Variants in NCOA1 observed in about 807,000 individuals in gnomAD.
NCOA1 encodes the protein Hin-2 protein.
A neutral mutation model predicts 150.9 loss-of-function variants in NCOA1; 35 were observed. That is an observed-to-expected ratio of 0.23 (90% CI 0.18 to 0.31). NCOA1 has a LOEUF of 0.31. Among genes scored for constraint, NCOA1 ranks in the 10% least tolerant of loss-of-function variants. The pLI is 1.00. For missense variants in NCOA1, 1,491 were observed against 1,749.3 expected (o/e 0.85, Z 2.63); for synonymous variants, 590 against 630.0 (o/e 0.94, Z 0.95).
intron 1 of NCOA1, among the ~76,000 whole-genome samples, chr2:24,552,332 T>TTC (rs2148225861): frequency 8.5e-5 from 1 of 11,722 alleles, no homozygotes; most frequent in South Asian, 2.8e-3. Context: ...TATATATATA[T>TTC]ATATATATAT....
intron 22 of NCOA1, among the ~76,000 whole-genome samples, chr2:24,763,622 T>C (rs1408228390): frequency 2.8e-5 from 4 of 143,304 alleles, no homozygotes; most frequent in African/African-American, 1.0e-4. Flanking sequence ...CTCTCTTTTT[T>C]TTTTTTTTTT....
At chr2:24,714,627 A>G (rs950004896) in intron 14 of NCOA1, among the ~76,000 whole-genome samples, 4 of 152,152 alleles carry the variant, frequency 2.6e-5, no homozygotes, top group Middle Eastern at 3.2e-3. Context: ...ATGACATAGT[A>G]TTAGAAACTA....
chr2:24,573,012 T>C (rs1365401899), intron 2 of NCOA1, among the ~76,000 whole-genome samples: 1 of 152,170 alleles, frequency 6.6e-6, no homozygotes, highest in Non-Finnish European at 1.5e-5. Flanking sequence ...ATCTGGATGC[T>C]CTGGAAACCA....
chr2:24,528,082 G>A (rs1472154561), intron 1 of NCOA1, among the ~76,000 whole-genome samples: 1 of 152,122 alleles, frequency 6.6e-6, no homozygotes. Flanking sequence ...TTATCAGATA[G>A]CATGGTTTGC....
Position 24,718,978 on chromosome 2 carries a change from G to A in NCOA1, c.2600-7611G>A, listed in dbSNP as rs529828634. On this transcript the variant is annotated intron_variant, in intron 14 of 22. Transcript: ENST00000348332. ...TGGGAGGTGGAGGTTGCAGTTAGCCGAGATCGCACCATTGCATTCCAGCCT... is the reference window on the plus strand; with the variant it reads ...TGGGAGGTGGAGGTTGCAGTTAGCCAAGATCGCACCATTGCATTCCAGCCT... 7.1e-5 allele frequency among the ~76,000 whole-genome samples: 9 copies of A among 126,256 alleles called. No homozygotes were observed. In the East Asian group the frequency reaches 1.2e-3, roughly 17 times the overall value. The allele number at this position is 126,256 out of a possible 152,430, so 82.8% of individuals were successfully genotyped here. A position where few individuals can be genotyped will look rare whatever the true frequency, so the allele number is the denominator to read the frequency against.
intron 1 of NCOA1, among the ~76,000 whole-genome samples, chr2:24,561,693 T>TG (rs1666299308): frequency 6.6e-6 from 1 of 152,156 alleles, no homozygotes; most frequent in African/African-American, 2.4e-5. Flanking sequence ...ACACAGTACT[T>TG]GGAGTGGGCA....
At chr2:24,716,713 C>T (rs549967869) in intron 14 of NCOA1, among the ~76,000 whole-genome samples, 28 of 152,284 alleles carry the variant, frequency 1.8e-4, no homozygotes, top group Admixed American at 6.5e-4. Flanking sequence ...GTTAAATCTT[C>T]TGCTCTTTAA....
intron 20 of NCOA1, among the ~76,000 whole-genome samples, chr2:24,757,335 A>G (rs1164458189): frequency 2.0e-5 from 3 of 152,172 alleles, no homozygotes; most frequent in African/African-American, 4.8e-5. Flanking sequence ...ACAGTAAACC[A>G]TTTAATAGAA....
At position 24,729,657 on chromosome 2, in the gene NCOA1, A is replaced by G; in HGVS notation, c.3043A>G (p.Lys1015Glu). ...PSPFQGMVRQ[K>E]PSLGTMPVQV... ...CCCTTTCCAAGGCATGGTCAGGCAA[A>G]AACCTTCACTGGGGACGATGCCTGT... The change falls in exon 17 of 23, where the codon AAA becomes GAA. Residue 1015 changes from lysine to glutamate, a missense_variant. Coordinates refer to ENST00000348332, the MANE Select transcript of NCOA1 (RefSeq NM_003743.5). 6.2e-7 allele frequency: 1 copy of G among 1,614,102 alleles called. No individual in the cohort carries two copies. The highest frequency in any genetic ancestry group is 8.5e-7 in the Non-Finnish European group (1 of 1,180,004).
At chr2:24,652,504 T>C (rs1670751964) in intron 4 of NCOA1, among the ~76,000 whole-genome samples, 1 of 152,146 alleles carries the variant, frequency 6.6e-6, no homozygotes, top group Non-Finnish European at 1.5e-5. Context: ...TTTAAATATA[T>C]TATTAGAAAT....
At chr2:24,584,778 T>C (rs1667332577) in intron 3 of NCOA1, among the ~76,000 whole-genome samples, 1 of 151,926 alleles carries the variant, frequency 6.6e-6, no homozygotes, top group South Asian at 2.1e-4. Flanking sequence ...ACATGTTCAG[T>C]CAGAGTTTGA....
intron 3 of NCOA1, among the ~76,000 whole-genome samples, chr2:24,620,379 G>A (rs1337041773): frequency 6.6e-6 from 1 of 152,156 alleles, no homozygotes; most frequent in Non-Finnish European, 1.5e-5. Context: ...CGAGGTGGAC[G>A]GATCACCTGA....
intron 3 of NCOA1, among the ~76,000 whole-genome samples, chr2:24,601,788 A>G (rs1280871265): frequency 6.6e-6 from 1 of 151,776 alleles, no homozygotes; most frequent in Admixed American, 6.6e-5. Context: ...ACACACCACC[A>G]CACCCGGCTA....
chr2:24,744,853 C>T (rs1311031355), intron 19 of NCOA1, among the ~76,000 whole-genome samples: 15 of 152,212 alleles, frequency 9.9e-5, no homozygotes, highest in Non-Finnish European at 2.2e-4. Flanking sequence ...GTTAAAGAAA[C>T]TTTATGGCCT....
At chr2:24,571,732 C>T (rs1279361034) in intron 2 of NCOA1, among the ~76,000 whole-genome samples, 2 of 152,136 alleles carry the variant, frequency 1.3e-5, no homozygotes, top group Non-Finnish European at 2.9e-5. Flanking sequence ...TATCTTAATA[C>T]ATAGGGAATC....
At chr2:24,537,908 A>T (rs182616652) in intron 1 of NCOA1, among the ~76,000 whole-genome samples, 3 of 152,298 alleles carry the variant, frequency 2.0e-5, no homozygotes, top group African/African-American at 7.2e-5. Context: ...TTTGATTGCA[A>T]TTCTGTATCT....
intron 1 of NCOA1, among the ~76,000 whole-genome samples, chr2:24,546,491 T>G (rs1008957679): frequency 1.3e-5 from 2 of 152,224 alleles, no homozygotes; most frequent in Admixed American, 1.3e-4. Flanking sequence ...TAGTCCTAGG[T>G]TCATTGTTCT....
chr2:24,747,923 A>G (rs1053407007), intron 19 of NCOA1, among the ~76,000 whole-genome samples: 1 of 151,912 alleles, frequency 6.6e-6, no homozygotes. Flanking sequence ...CCTGACCAAC[A>G]TGGAGAAACC....
chr2:24,745,397 C>T (rs542271081), intron 19 of NCOA1, among the ~76,000 whole-genome samples: 35 of 152,076 alleles, frequency 2.3e-4, no homozygotes, highest in African/African-American at 8.2e-4. Flanking sequence ...CTCCTGACCT[C>T]GTGATCCACC....
Sources: gnomAD v4.1 joint callset for allele counts (sites outside exome capture counted in the v4.1 genomes callset) on GRCh38, gnomAD v4.1.1 for gene constraint, MANE v1.5 for transcripts, NCBI Gene and HGNC (gene_info 2026-07-23, HGNC 2026-07-21) for gene names.